AEBP2: variants seen among roughly 807,000 people sequenced by gnomAD.
AEBP2 encodes the protein zinc finger protein AEBP2.
In AEBP2, 10 loss-of-function variants were observed where a neutral mutation model predicts 50.8. The ratio of observed to expected loss-of-function variants is 0.20; its 90% CI spans 0.12 to 0.33. The LOEUF (loss-of-function observed/expected upper bound fraction) is 0.33. Among genes scored for constraint, AEBP2 ranks in the 10% least tolerant of loss-of-function variants. The pLI, the probability that AEBP2 is intolerant of heterozygous loss-of-function variation, is 1.00. For missense variants in AEBP2, 570 were observed against 688.0 expected, an observed-to-expected ratio of 0.83 and a Z score of 1.92; for synonymous variants, 296 against 261.3, an observed-to-expected ratio of 1.13 and a Z score of -1.28.
At chr12:19,471,772 C>G (rs1948577092) in intron 2 of AEBP2, among the ~76,000 whole-genome samples, 2 of 152,136 alleles carry the variant, frequency 1.3e-5, no homozygotes, top group Non-Finnish European at 2.9e-5. Flanking sequence ...CTCAAGCCGT[C>G]CCCCTACCTC....
intron 1 of AEBP2, among the ~76,000 whole-genome samples, chr12:19,446,964 A>G (rs1214666494): frequency 2.0e-5 from 3 of 152,130 alleles, no homozygotes; most frequent in Non-Finnish European, 2.9e-5. Flanking sequence ...TAGAGTTGGA[A>G]CGTGTTGTAT....
intron 4 of AEBP2, among the ~76,000 whole-genome samples, chr12:19,499,048 C>T (rs1443593947): frequency 2.0e-5 from 3 of 152,066 alleles, no homozygotes; most frequent in Admixed American, 2.0e-4. Flanking sequence ...GTTATATAAG[C>T]TGATTAATAC....
intron 1 of AEBP2, among the ~76,000 whole-genome samples, chr12:19,458,008 A>G (rs907288321): frequency 1.3e-5 from 2 of 152,186 alleles, no homozygotes; most frequent in South Asian, 2.1e-4. Context: ...TGAAATCAGT[A>G]GGTGTTCATT....
Position 19,475,456 on chromosome 12 carries a change from A to ATG in AEBP2, c.987+2109_987+2110dup, listed in dbSNP as rs943148674. On this transcript the variant is annotated intron_variant, in intron 3 of 7. Coordinates refer to ENST00000266508, the MANE Select transcript of AEBP2 (RefSeq NM_153207.5). ...ATGGTATGTATGTATGTATGTGTGT[A>ATG]TGTGTGTGTATATATATATATACTG... 6.7e-5 allele frequency among the ~76,000 whole-genome samples: 10 copies of ATG among 150,188 alleles called. No homozygotes were observed. In the South Asian group the frequency reaches 8.5e-4, roughly 13 times the overall value.
chr12:19,515,852 C>G (rs1165884714), intron 7 of AEBP2, among the ~76,000 whole-genome samples: 3 of 152,092 alleles, frequency 2.0e-5, no homozygotes, highest in Non-Finnish European at 4.4e-5. Flanking sequence ...ATCATCACAG[C>G]ATTTTGGGAG....
chr12:19,404,791 C>T (rs2095735252), intron 1 of AEBP2, among the ~76,000 whole-genome samples: 1 of 152,030 alleles, frequency 6.6e-6, no homozygotes, highest in African/African-American at 2.4e-5. Flanking sequence ...TCTCAGTTCT[C>T]CCTTATCTGA....
At chr12:19,425,941 CTG>C (rs1366300415) in intron 1 of AEBP2, among the ~76,000 whole-genome samples, 1 of 151,854 alleles carries the variant, frequency 6.6e-6, no homozygotes, top group Admixed American at 6.6e-5. Context: ...GGTGGGATTT[CTG>C]TTTTTCTTTT....
Position 19,439,719 on chromosome 12 carries a change from A to G in AEBP2, c.20A>G (p.Asp7Gly). 6.6e-7 allele frequency: 1 copy of G among 1,516,012 alleles called. No homozygotes were observed. Among genetic ancestry groups the G allele is most frequent in the Non-Finnish European group, 8.8e-7 (1 of 1,138,906 alleles). 93.9% of individuals were successfully genotyped at this position (1,516,012 alleles called of 1,614,324 possible). Reference sequence around the variant, plus strand: ...GCCGCCATGGCCGCCGCTATCACCGACATGGCCGACCTGGAGGAGCTCTCC... The same window carrying G: ...GCCGCCATGGCCGCCGCTATCACCGGCATGGCCGACCTGGAGGAGCTCTCC... MAAAIT[D>G]MADLEELSRL... Residue 7 changes from aspartate (D) to glycine (G), a missense_variant, in exon 1 of 8, where the codon GAC becomes GGC. By Grantham distance (94) the Asp-to-Gly change is moderately conservative (BLOSUM62 -1). This residue lies in a region of AEBP2 where 386 missense variants were observed against 336.8 expected (regional missense o/e 1.15). Transcript: ENST00000266508.
intron 3 of AEBP2, among the ~76,000 whole-genome samples, chr12:19,479,705 A>C (rs4394924): frequency 0.86 from 104,135 of 121,262 alleles, 44,111 homozygotes; most frequent in African/African-American, 0.92. Flanking sequence ...ATTTAATGTC[A>C]CCTCTTTGTG....
chr12:19,487,674 C>T (rs1226045709), intron 3 of AEBP2, among the ~76,000 whole-genome samples: 3 of 151,712 alleles, frequency 2.0e-5, no homozygotes, highest in East Asian at 1.9e-4. Context: ...ACCGAGGTCA[C>T]GCCACTGCAC....
intron 1 of AEBP2, among the ~76,000 whole-genome samples, chr12:19,419,710 G>A (rs2153364261): frequency 6.6e-6 from 1 of 152,222 alleles, no homozygotes; most frequent in South Asian, 2.1e-4. Context: ...CGGGCAGATA[G>A]ACTGAACTCC....
At chr12:19,459,472 C>G (rs963203320) in intron 1 of AEBP2, among the ~76,000 whole-genome samples, 1 of 152,120 alleles carries the variant, frequency 6.6e-6, no homozygotes, top group African/African-American at 2.4e-5. Context: ...ACCTCGTGAT[C>G]CGCCCGCCTC....
At chr12:19,488,080 G>A (rs988618901) in intron 3 of AEBP2, among the ~76,000 whole-genome samples, 3 of 150,774 alleles carry the variant, frequency 2.0e-5, no homozygotes, top group African/African-American at 7.3e-5. Context: ...AATTACTGTT[G>A]TTGCCCTCAT....
chr12:19,455,730 A>G (rs77189751), intron 1 of AEBP2, among the ~76,000 whole-genome samples: 3,278 of 152,296 alleles, frequency 0.022, 40 homozygotes, highest in East Asian at 0.043. Context: ...GGTCTGCTAG[A>G]TAGTTTCTAA....
intron 3 of AEBP2, among the ~76,000 whole-genome samples, chr12:19,475,280 C>T (rs889611282): frequency 1.7e-4 from 26 of 151,304 alleles, no homozygotes; most frequent in Admixed American, 8.6e-4. Context: ...CTTATGCCTG[C>T]TCATAGCTTA....
chr12:19,438,608 G>T (rs1484914516), upstream of AEBP2, among the ~76,000 whole-genome samples: 2 of 152,160 alleles, frequency 1.3e-5, no homozygotes, highest in African/African-American at 4.8e-5. Flanking sequence ...GTTTTGATCG[G>T]TTGAAATAAG....
Position 19,508,693 on chromosome 12 carries a change from C to T in AEBP2, c.1300-3705C>T, listed in dbSNP as rs190817704. On this transcript the variant is annotated intron_variant, in intron 5 of 7. Coordinates refer to ENST00000266508, the MANE Select transcript of AEBP2 (RefSeq NM_153207.5). ...AGATCGATGTTAACTTGCATAGATT[C>T]CTTAAGCTTAAACCTAGACTGATTG... Among the ~76,000 whole-genome samples, 158 of 152,178 alleles carry T rather than the reference C, an allele frequency of 1.0e-3. 1 individual carries two copies. Among genetic ancestry groups the T allele is most frequent in the African/African-American group, 3.7e-3 (154 of 41,514 alleles).
intron 5 of AEBP2, chr12:19,508,964 A>T: frequency 2.1e-6 from 1 of 482,034 alleles, no homozygotes; most frequent in Non-Finnish European, 4.0e-6. Context: ...TAACAAAACA[A>T]GTCTGTCCCA....
chr12:19,425,477 A>G (rs77320501), intron 1 of AEBP2, among the ~76,000 whole-genome samples: 3,410 of 151,918 alleles, frequency 0.022, 48 homozygotes, highest in East Asian at 0.045. Flanking sequence ...GATCAAATAG[A>G]TGAATTAGGC....
Sources: gnomAD v4.1 joint callset for allele counts (sites outside exome capture counted in the v4.1 genomes callset) on GRCh38, gnomAD v4.1.1 for gene constraint, gnomAD v4.1.1 regional missense constraint, MANE v1.5 for transcripts, NCBI Gene and HGNC (gene_info 2026-07-23, HGNC 2026-07-21) for gene names.